FLNA: variants seen among roughly 807,000 people sequenced by gnomAD.
FLNA encodes the protein filamin A.
In FLNA, 7 loss-of-function variants were observed where a neutral mutation model predicts 157.6. The observed-to-expected ratio is 0.04, with a 90% CI of 0.03 to 0.08. The LOEUF (loss-of-function observed/expected upper bound fraction) is 0.08. Ranked by LOEUF, FLNA falls within the 10% of genes least tolerant of loss-of-function variation. The pLI is 1.00. For missense variants in FLNA, 1,750 were observed against 2,398.4 expected, an observed-to-expected ratio of 0.73 and a Z score of 5.65; for synonymous variants, 1,103 against 1,060.8, an observed-to-expected ratio of 1.04 and a Z score of -0.77.
At position 154,355,044 on chromosome X, in the gene FLNA, A is replaced by G; in HGVS notation, c.4998T>C (p.Ile1666=). ...LGAGIGPTIQ[I]GEETVITVDT... ...CCACAGTGATCACCGTCTCCTCCCC[A>G]ATCTGAATGGTGGGGCCGATGCCAG... Residue 1666 remains isoleucine (I), a synonymous_variant, in exon 31 of 48, where the codon ATT becomes ATC. Coordinates refer to ENST00000369850, the MANE Select transcript of FLNA (RefSeq NM_001110556.2). The G allele has an allele frequency of 1.7e-6, 2 of 1,207,751 alleles. No individual in the cohort carries two copies. The highest frequency in any genetic ancestry group is 2.2e-6 in the Non-Finnish European group (2 of 892,502).
At chrX:154,354,752 A>C in intron 31 of FLNA, 41 bp from the exon 32 acceptor site, 1 of 1,208,105 alleles carries the variant, frequency 8.3e-7, no homozygotes, top group Non-Finnish European at 1.1e-6. Context: ...GTCTGTTGTC[A>C]CAGAGGGGCC....
chrX:154,359,960 C>T (rs782165971), intron 22 of FLNA, 30 bp downstream of exon 22: 17 of 1,202,850 alleles, frequency 1.4e-5, no homozygotes, highest in East Asian at 5.9e-5. Context: ...CCCTGTCCCC[C>T]GTCACATACC....
chrX:154,366,422 C>A lies in FLNA; in HGVS notation c.1114G>T (p.Val372Leu), dbSNP rs781848457. 11 of 1,211,802 alleles carry A rather than the reference C, an allele frequency of 9.1e-6. No homozygotes were observed. Among genetic ancestry groups the A allele is most frequent in the Non-Finnish European group, 1.2e-5 (11 of 895,356 alleles). ...GQHIAKSPFE[V>L]YVDKSQGDAS... Reference sequence around the variant, plus strand: ...TCACCCTGTGACTTATCCACGTACACCTCGAAGGGGCTCTTGGCGATGTGC... The same window carrying A: ...TCACCCTGTGACTTATCCACGTACAACTCGAAGGGGCTCTTGGCGATGTGC... The change falls in exon 8 of 48, where the codon GTG becomes TTG. Residue 372 changes from valine to leucine, a missense_variant. Transcript: ENST00000369850.
chrX:154,365,444 T>C lies in FLNA; in HGVS notation c.1472A>G (p.Gln491Arg), dbSNP rs201092184. 8 of 1,210,245 alleles carry C rather than the reference T, an allele frequency of 6.6e-6. No homozygotes were observed. The East Asian group carries it at 2.4e-4, about 36-fold the overall frequency. ...SACRAVGRGL[Q>R]PKGVRVKETA... ...CTCCTTCACCCGCACACCCTTGGGC[T>C]GGAGGCCCCGGCCAACCGCCCGGCA... Residue 491 changes from glutamine (Q) to arginine (R), a missense_variant, in exon 10 of 48, where the codon CAG becomes CGG. This residue lies in a region of FLNA where 648 missense variants were observed against 805.8 expected (regional missense o/e 0.80). Transcript: ENST00000369850.
In FLNA at chrX:154,352,832, A is replaced by T. The variant is rs1557176055; in HGVS notation, c.6319T>A (p.Cys2107Ser). ...LEDGTCRVTY[C>S]PTEPGNYIIN... ...ATGTAGTTGCCTGGCTCTGTGGGGC[A>T]GTAGGTGACCCTGCACGTCCCGTCC... Residue 2107 changes from cysteine (C) to serine (S), a missense_variant, in exon 39 of 48, where the codon TGC becomes AGC. Physicochemically the swap from Cys to Ser is moderately radical, Grantham distance 112. Coordinates refer to ENST00000369850, the MANE Select transcript of FLNA (RefSeq NM_001110556.2). 5.8e-6 allele frequency: 7 copies of T among 1,210,246 alleles called. No individual in the cohort carries two copies.
chrX:154,367,232 C>T (rs892663506), intron 5 of FLNA, among the ~76,000 whole-genome samples, 165 bp downstream of exon 5: 2 of 112,359 alleles, frequency 1.8e-5, no homozygotes, highest in Admixed American at 9.4e-5. Context: ...ATTCTCTTGT[C>T]GTTTTCACTA....
At chrX:154,361,631 G>A in intron 20 of FLNA, 39 bp downstream of exon 20, 1 of 1,205,742 alleles carries the variant, frequency 8.3e-7, no homozygotes, top group Non-Finnish European at 1.1e-6. Context: ...ATCCCTGGAT[G>A]TGACAAAGGC....
chrX:154,356,148 C>G (rs782138815), intron 30 of FLNA, among the ~76,000 whole-genome samples: 1 of 112,168 alleles, frequency 8.9e-6, no homozygotes, highest in African/African-American at 3.2e-5. Context: ...GCCCCAACCT[C>G]ACAGGTACCC....
Position 154,371,159 on chromosome X carries a change from C to T in FLNA, c.87G>A (p.Pro29=), listed in dbSNP as rs1557180224. 1.7e-6 allele frequency: 2 copies of T among 1,198,003 alleles called. No individual in the cohort carries two copies. Among genetic ancestry groups the T allele is most frequent in the East Asian group, 6.0e-5 (2 of 33,312 alleles). The change falls in exon 2 of 48, where the codon CCG becomes CCA. Residue 29 remains proline, a synonymous_variant. Transcript: ENST00000369850. ...CCTCCGCCAGGTCCTTCTCGGTGGC[C>T]GGCATCTCGGCGTCCCGCGTGTCGA... is the stretch of plus-strand genomic sequence containing the variant. ...GGVDTRDAEM[P]ATEKDLAEDA...
Position 154,349,819 on chromosome X carries a change from G to A in FLNA, c.7382C>T (p.Ala2461Val). ...VVNTSNAGAG[A>V]LSVTIDGPSK... ...GGGGCCGTCAATGGTCACCGACAGGGCACCAGCTCCCGCATTGCTCGTGTT... is the reference window on the plus strand; with the variant it reads ...GGGGCCGTCAATGGTCACCGACAGGACACCAGCTCCCGCATTGCTCGTGTT... The change falls in exon 46 of 48, where the codon GCC (alanine) becomes GTC (valine). Residue 2461 changes from alanine to valine, a missense_variant. Transcript: ENST00000369850. The A allele has an allele frequency of 8.3e-7, 1 of 1,211,477 alleles. No individual in the cohort carries two copies.
chrX:154,357,407 G>A, intron 29 of FLNA, 27 bp downstream of exon 29: 6 of 1,201,629 alleles, frequency 5.0e-6, no homozygotes, highest in South Asian at 1.8e-5. Context: ...GCCGAGCGCC[G>A]CAGCGGCCAA....
intron 5 of FLNA, 94 bp downstream of exon 5, chrX:154,367,302 AC>A: frequency 1.1e-5 from 11 of 1,006,163 alleles, no homozygotes; most frequent in Non-Finnish European, 1.5e-5. Context: ...CCGCCATGTA[AC>A]CCAAGACCCC....
In FLNA at chrX:154,354,269, G is replaced by GCCTGAGGGCATCCGAACCTCC; in HGVS notation, c.5418_5438dup (p.Glu1807_Gly1813dup). The GCCTGAGGGCATCCGAACCTCC allele has an allele frequency of 8.3e-7, 1 of 1,211,864 alleles. No homozygotes were observed. On this transcript the variant is annotated inframe_insertion, in exon 34 of 48. Coordinates refer to ENST00000369850, the MANE Select transcript of FLNA (RefSeq NM_001110556.2). The stretch of plus-strand genomic sequence containing the variant: ...CAGTGATGGTGGGCTGCGCCACCTT[G>GCCTGAGGGCATCCGAACCTCC]CCTGAGGGCATCCGAACCTCCCCTG...
intron 30 of FLNA, among the ~76,000 whole-genome samples, chrX:154,356,021 T>C (rs782524083): frequency 6.2e-5 from 7 of 112,499 alleles, no homozygotes; most frequent in Non-Finnish European, 1.3e-4. Flanking sequence ...CTAGGCTCCA[T>C]GCTGGCCTGC....
chrX:154,354,368 A>C lies in FLNA; in HGVS notation c.5416+13T>G, dbSNP rs1557176444. 8.3e-7 allele frequency: 1 copy of C among 1,210,910 alleles called. No individual in the cohort carries two copies. The highest frequency in any genetic ancestry group is 2.2e-5 in the Admixed American group (1 of 46,133). On this transcript the variant is annotated intron_variant, in intron 33 of 47. Coordinates refer to ENST00000369850, the MANE Select transcript of FLNA (RefSeq NM_001110556.2). ...TCCTTGGCTCCCGAGCTCCTTCCCAAGTCCCCACTCACCTGTGATCTCGCC... is the reference window on the plus strand; with the variant it reads ...TCCTTGGCTCCCGAGCTCCTTCCCACGTCCCCACTCACCTGTGATCTCGCC...
chrX:154,366,396 G>A lies in FLNA; in HGVS notation c.1140C>T (p.Asp380=), dbSNP rs781972297. 7.4e-6 allele frequency: 9 copies of A among 1,210,525 alleles called. No homozygotes were observed. Among genetic ancestry groups the A allele is most frequent in the South Asian group, 5.3e-5 (3 of 56,921 alleles). Residue 380 remains aspartate (D), a synonymous_variant, in exon 8 of 48, where the codon GAC becomes GAT. Transcript: ENST00000369850. The part of the protein sequence containing the change: ...FEVYVDKSQG[D]ASKVTAQGPG... ...GACCTTGGGCTGTCACTTTGCTGGC[G>A]TCACCCTGTGACTTATCCACGTACA...
chrX:154,362,528 C>T lies in FLNA; in HGVS notation c.2455G>A (p.Glu819Lys), dbSNP rs1557178280. The change falls in exon 17 of 48, where the codon GAA (glutamate) becomes AAA (lysine). Residue 819 changes from glutamate to lysine, a missense_variant. By Grantham distance (56) the Glu-to-Lys change is moderately conservative. This residue lies in a region of FLNA where 648 missense variants were observed against 805.8 expected (regional missense o/e 0.80). Transcript: ENST00000369850. Reference protein sequence around the residue: ...KCAPGVVGPAEADIDFDIIRN... With the variant: ...KCAPGVVGPAKADIDFDIIRN... ...ATGATGTCGAAGTCGATGTCAGCTTCGGCGGGGCCTACCACTCCAGGGGCA... is the reference window on the plus strand; with the variant it reads ...ATGATGTCGAAGTCGATGTCAGCTTTGGCGGGGCCTACCACTCCAGGGGCA... The T allele has an allele frequency of 1.7e-6, 2 of 1,211,297 alleles. No homozygotes were observed. The highest frequency in any genetic ancestry group is 1.8e-5 in the South Asian group (1 of 57,027).
intron 44 of FLNA, 179 bp from the exon 45 acceptor site, chrX:154,350,386 C>T (rs1311685879): frequency 7.5e-5 from 34 of 453,539 alleles, no homozygotes; most frequent in Non-Finnish European, 1.2e-4. Context: ...GGTTTAGACA[C>T]TCAAGCTGCC....
chrX:154,359,115 G>C lies in FLNA; in HGVS notation c.4343C>G (p.Ala1448Gly), dbSNP rs201886752. 6.6e-6 allele frequency: 8 copies of C among 1,209,945 alleles called. No individual in the cohort carries two copies. The highest frequency in any genetic ancestry group is 1.7e-5 in the African/African-American group (1 of 57,380). The change falls in exon 26 of 48, where the codon GCG becomes GGG. Residue 1448 changes from alanine to glycine, a missense_variant. This residue lies in a region of FLNA where 970 missense variants were observed against 1,302.6 expected (regional missense o/e 0.74). Transcript: ENST00000369850. ...GGGCCCAGAGCACTTGACCTTGGAC[G>C]CATCTGTCACATCATGCACAGGGAC... ...FKVPVHDVTD[A>G]SKVKCSGPGL...
Sources: gnomAD v4.1 joint callset for allele counts (sites outside exome capture counted in the v4.1 genomes callset) on GRCh38, gnomAD v4.1.1 for gene constraint, gnomAD v4.1.1 regional missense constraint, MANE v1.5 for transcripts, NCBI Gene and HGNC (gene_info 2026-07-23, HGNC 2026-07-21) for gene names.